GRID2: variants seen among roughly 807,000 people sequenced by gnomAD.
The protein encoded by GRID2 is glutamate receptor ionotropic, delta-2.
GRID2 carries 33 observed loss-of-function variants against 114.8 expected under a neutral mutation model. The observed-to-expected ratio is 0.29, with a 90% CI of 0.22 to 0.38. The LOEUF (loss-of-function observed/expected upper bound fraction) is 0.38. GRID2 is among the 10% of genes least tolerant of loss of function. The probability of loss-of-function intolerance (pLI) is 1.00; values close to 1 mark genes in which losing one functional copy is unlikely to be tolerated. For synonymous variants in GRID2, 505 were observed against 449.9 expected (o/e 1.12, Z -1.55); for missense variants, 1,184 against 1,257.7 (o/e 0.94, Z 0.89).
chr4:93,579,387 G>A (rs1331073446), intron 13 of GRID2, among the ~76,000 whole-genome samples: 1 of 152,024 alleles, frequency 6.6e-6, no homozygotes, highest in African/African-American at 2.4e-5. Flanking sequence ...TTCCAGTCCT[G>A]ACAGCTGGTA....
chr4:93,631,342 A>G (rs1720840472), intron 14 of GRID2, among the ~76,000 whole-genome samples: 1 of 152,028 alleles, frequency 6.6e-6, no homozygotes, highest in South Asian at 2.1e-4. Context: ...TATTAGGTAT[A>G]TCTCCTAATG....
In GRID2 at chr4:92,564,401, A is replaced by G. The variant is rs1348464605; in HGVS notation, c.89-25730A>G. 2.6e-5 allele frequency among the ~76,000 whole-genome samples: 4 copies of G among 152,048 alleles called. No homozygotes were observed. In the East Asian group the frequency reaches 7.7e-4, roughly 29 times the overall value. On this transcript the variant is annotated intron_variant, in intron 1 of 15. Coordinates refer to ENST00000282020, the MANE Select transcript of GRID2 (RefSeq NM_001510.4). ...AAATTTTAATGGAGAAGAAAGACATATAAGCATTACATTAGTACAAATCAA... is the reference window on the plus strand; with the variant it reads ...AAATTTTAATGGAGAAGAAAGACATGTAAGCATTACATTAGTACAAATCAA...
chr4:93,778,220 G>C (rs1734403863), downstream of GRID2, among the ~76,000 whole-genome samples: 1 of 152,058 alleles, frequency 6.6e-6, no homozygotes, highest in African/African-American at 2.4e-5. Context: ...AAAAGTATCT[G>C]ATAGTTAATA....
chr4:93,581,479 A>G (rs779422861), intron 13 of GRID2, among the ~76,000 whole-genome samples: 1 of 152,180 alleles, frequency 6.6e-6, no homozygotes, highest in Non-Finnish European at 1.5e-5. Context: ...AAATATTTTA[A>G]ATTGATAATG....
intron 1 of GRID2, among the ~76,000 whole-genome samples, chr4:92,365,457 A>C (rs1314133031): frequency 6.6e-6 from 1 of 151,788 alleles, no homozygotes; most frequent in Non-Finnish European, 1.5e-5. Flanking sequence ...TAGAGAGTAG[A>C]ATGAGAGTTA....
chr4:93,697,869 G>GTGTA (rs1553986412), intron 14 of GRID2, among the ~76,000 whole-genome samples: 1 of 122,652 alleles, frequency 8.2e-6, no homozygotes. Flanking sequence ...CACAATGTGT[G>GTGTA]TATATATATA....
At position 93,455,828 on chromosome 4, in the gene GRID2, C is replaced by G; in HGVS notation, c.1712C>G (p.Ala571Gly). The G allele has an allele frequency of 6.2e-7, 1 of 1,613,362 alleles. No individual in the cohort carries two copies. The highest frequency in any genetic ancestry group is 8.5e-7 in the Non-Finnish European group (1 of 1,179,376). The change falls in exon 11 of 16, where the codon GCT becomes GGT. Residue 571 changes from alanine to glycine, a missense_variant. Physicochemically the swap from Ala to Gly is moderately conservative, Grantham distance 60. This residue lies in a region of GRID2 where 717 missense variants were observed against 796.9 expected (regional missense o/e 0.90). Coordinates refer to ENST00000282020, the MANE Select transcript of GRID2 (RefSeq NM_001510.4). Reference protein sequence around the residue: ...CLAPFDLSLWACIAGTVLLVG... With the variant: ...CLAPFDLSLWGCIAGTVLLVG... Reference sequence around the variant, plus strand: ...GCACCATTTGATCTCTCTCTATGGGCTTGCATTGCTGGCACAGTCCTTCTG... The same window carrying G: ...GCACCATTTGATCTCTCTCTATGGGGTTGCATTGCTGGCACAGTCCTTCTG...
At chr4:93,176,092 T>C (rs1739323145) in intron 4 of GRID2, among the ~76,000 whole-genome samples, 1 of 152,222 alleles carries the variant, frequency 6.6e-6, no homozygotes, top group Non-Finnish European at 1.5e-5. Context: ...CAACAGTTAA[T>C]AAGCAAATGG....
intron 2 of GRID2, among the ~76,000 whole-genome samples, chr4:92,658,664 C>T (rs560751239): frequency 6.6e-6 from 1 of 151,660 alleles, no homozygotes; most frequent in Non-Finnish European, 1.5e-5. Context: ...GCAAAAGGAA[C>T]TGAAGCAAAA....
chr4:93,558,832 C>A (rs1734595125), intron 13 of GRID2, among the ~76,000 whole-genome samples: 1 of 152,050 alleles, frequency 6.6e-6, no homozygotes, highest in African/African-American at 2.4e-5. Context: ...TGTGAAAATC[C>A]TCAATAAAAT....
At chr4:92,711,141 G>A (rs1735225188) in intron 2 of GRID2, among the ~76,000 whole-genome samples, 2 of 151,538 alleles carry the variant, frequency 1.3e-5, no homozygotes, top group South Asian at 4.2e-4. Flanking sequence ...ATGCTATTTG[G>A]GGTTGATTGC....
intron 8 of GRID2, among the ~76,000 whole-genome samples, chr4:93,281,484 A>C (rs1342526611): frequency 1.3e-5 from 2 of 152,002 alleles, no homozygotes; most frequent in Admixed American, 1.3e-4. Flanking sequence ...TGGAGAGTTT[A>C]ACTTGTATTC....
chr4:92,933,019 A>C (rs1417539516), intron 2 of GRID2, among the ~76,000 whole-genome samples: 1 of 151,124 alleles, frequency 6.6e-6, no homozygotes, highest in East Asian at 1.9e-4. Context: ...ACATAGGCTT[A>C]TAATACAATT....
chr4:92,768,484 A>G (rs2149350198), intron 2 of GRID2, among the ~76,000 whole-genome samples: 1 of 152,340 alleles, frequency 6.6e-6, no homozygotes, highest in South Asian at 2.1e-4. Flanking sequence ...TCCTTAACAT[A>G]GCATCTGAAA....
chr4:93,376,551 A>G (rs1452294883), intron 8 of GRID2, among the ~76,000 whole-genome samples: 2 of 152,208 alleles, frequency 1.3e-5, no homozygotes, highest in African/African-American at 4.8e-5. Flanking sequence ...AACTCATAAA[A>G]CATAGGTCCT....
At chr4:92,852,653 A>G (rs1464660657) in intron 2 of GRID2, among the ~76,000 whole-genome samples, 1 of 151,874 alleles carries the variant, frequency 6.6e-6, no homozygotes, top group African/African-American at 2.4e-5. Flanking sequence ...CAGGCCACAG[A>G]TTCCATTAAC....
At chr4:93,762,773 G>A (rs1033029757) in intron 14 of GRID2, among the ~76,000 whole-genome samples, 8 of 152,108 alleles carry the variant, frequency 5.3e-5, no homozygotes, top group Non-Finnish European at 1.0e-4. Context: ...AAAAAGCACA[G>A]GTTCAATAAT....
At chr4:93,140,369 CG>C (rs1735664386) in intron 4 of GRID2, among the ~76,000 whole-genome samples, 1 of 151,840 alleles carries the variant, frequency 6.6e-6, no homozygotes, top group Non-Finnish European at 1.5e-5. Context: ...CGTGTTAGCC[CG>C]GATGGTCTCT....
chr4:92,343,607 CTT>C (rs995406688), intron 1 of GRID2, among the ~76,000 whole-genome samples: 2 of 152,036 alleles, frequency 1.3e-5, no homozygotes, highest in Admixed American at 1.3e-4. Flanking sequence ...GAGTTTTGCT[CTT>C]GTAGCCCAGG....
Sources: gnomAD v4.1 joint callset for allele counts (sites outside exome capture counted in the v4.1 genomes callset) on GRCh38, gnomAD v4.1.1 for gene constraint, gnomAD v4.1.1 regional missense constraint, MANE v1.5 for transcripts, NCBI Gene and HGNC (gene_info 2026-07-23, HGNC 2026-07-21) for gene names.